The following GRIA2 variants were observed in gnomAD, a reference collection of about 807,000 sequenced individuals.
The protein encoded by GRIA2 is glutamate receptor 2.
Under a neutral mutation model 97.3 loss-of-function variants are expected in GRIA2, and 14 were observed. The ratio of observed to expected loss-of-function variants is 0.14; its 90% CI spans 0.10 to 0.23. The LOEUF (loss-of-function observed/expected upper bound fraction) is 0.23, where lower values mean the gene tolerates loss of function less well. GRIA2 is among the 10% of genes least tolerant of loss of function. GRIA2 has a pLI of 1.00. For synonymous variants in GRIA2, 412 were observed against 387.8 expected (o/e 1.06, Z -0.73); for missense variants, 558 against 1,069.8 (o/e 0.52, Z 6.67).
rs1189221624 is a variant in GRIA2, at chr4:157,365,065, G to A, written c.*1634G>A. 1 of 151,454 alleles carries A rather than the reference G, an allele frequency of 6.6e-6. No individual in the cohort carries two copies. Among genetic ancestry groups the A allele is most frequent in the Admixed American group, 6.6e-5 (1 of 15,176 alleles). The allele number at this position is 151,454 out of a possible 1,614,324, so 9.4% of individuals were successfully genotyped here. On this transcript the variant is annotated 3_prime_UTR_variant, in exon 16 of 16. Transcript: ENST00000264426. ...AGTTATTTTTAATATTTGTATTCTT[G>A]TTATTTCTGGAAGAAAGCCTTTGTG...
intron 2 of GRIA2, among the ~76,000 whole-genome samples, chr4:157,274,775 C>T (rs1472472891): frequency 6.6e-6 from 1 of 151,744 alleles, no homozygotes; most frequent in Non-Finnish European, 1.5e-5. Flanking sequence ...CATTGTTGGA[C>T]ATTTGGGTTG....
intron 2 of GRIA2, among the ~76,000 whole-genome samples, chr4:157,245,488 A>C (rs1443682035): frequency 6.6e-6 from 1 of 151,914 alleles, no homozygotes; most frequent in Non-Finnish European, 1.5e-5. Flanking sequence ...TTCTAAGTGA[A>C]TTAAGACCAG....
rs1482855779 is a variant in GRIA2, at chr4:157,221,824, C to G, written c.229+17C>G. ...CTAATGCTTGTAAGTAATGAATATTCATGCCTTTCGGGTGCTGCACGCGGA... is the reference window on the plus strand; with the variant it reads ...CTAATGCTTGTAAGTAATGAATATTGATGCCTTTCGGGTGCTGCACGCGGA... On this transcript the variant is annotated intron_variant, in intron 2 of 15. Transcript: ENST00000264426. 1 of 1,612,564 alleles carries G rather than the reference C, an allele frequency of 6.2e-7. No individual in the cohort carries two copies. The highest frequency in any genetic ancestry group is 1.7e-5 in the Admixed American group (1 of 60,014).
intron 3 of GRIA2, among the ~76,000 whole-genome samples, chr4:157,309,527 T>C (rs982432359): frequency 1.3e-5 from 2 of 152,008 alleles, no homozygotes; most frequent in Non-Finnish European, 2.9e-5. Context: ...AATTTTTATA[T>C]TTTTAGTAGA....
intron 2 of GRIA2, among the ~76,000 whole-genome samples, chr4:157,235,983 GTC>G (rs1161652125): frequency 6.6e-6 from 1 of 151,922 alleles, no homozygotes; most frequent in Admixed American, 6.6e-5. Flanking sequence ...CCTTGCTAGT[GTC>G]TCTTGTTAAA....
At chr4:157,261,612 A>G (rs2126769019) in intron 2 of GRIA2, among the ~76,000 whole-genome samples, 1 of 152,286 alleles carries the variant, frequency 6.6e-6, no homozygotes, top group East Asian at 1.9e-4. Context: ...CACATAAGCC[A>G]GTTTGCTGAA....
intron 2 of GRIA2, among the ~76,000 whole-genome samples, chr4:157,239,677 G>A (rs1317764587): frequency 3.3e-5 from 5 of 151,664 alleles, no homozygotes; most frequent in Non-Finnish European, 5.9e-5. Context: ...GTATTTATAT[G>A]TAAATACATG....
At chr4:157,250,936 C>T (rs965300674) in intron 2 of GRIA2, among the ~76,000 whole-genome samples, 1 of 152,020 alleles carries the variant, frequency 6.6e-6, no homozygotes, top group African/African-American at 2.4e-5. Flanking sequence ...GCTTGCTTTT[C>T]CTCTTCTTGC....
intron 2 of GRIA2, among the ~76,000 whole-genome samples, chr4:157,231,863 T>TA (rs1183684412): frequency 6.6e-6 from 1 of 152,176 alleles, no homozygotes; most frequent in Admixed American, 6.5e-5. Flanking sequence ...GTTTTAAAAA[T>TA]AAAAACATTT....
intron 3 of GRIA2, among the ~76,000 whole-genome samples, chr4:157,311,654 G>T (rs551425162): frequency 3.3e-5 from 5 of 151,912 alleles, no homozygotes; most frequent in Non-Finnish European, 7.4e-5. Flanking sequence ...AATCAAAAGG[G>T]ACTAATATTG....
chr4:157,258,287 C>A (rs1414623402), intron 2 of GRIA2, among the ~76,000 whole-genome samples: 2 of 152,056 alleles, frequency 1.3e-5, no homozygotes, highest in Non-Finnish European at 2.9e-5. Flanking sequence ...TTACTGAATT[C>A]TTTTTCTCAG....
intron 3 of GRIA2, among the ~76,000 whole-genome samples, chr4:157,309,922 G>T (rs1054637395): frequency 7.9e-5 from 12 of 152,144 alleles, no homozygotes; most frequent in Non-Finnish European, 1.5e-4. Flanking sequence ...GAATAGCACA[G>T]AGACCCCCAT....
intron 2 of GRIA2, among the ~76,000 whole-genome samples, chr4:157,238,359 AG>A (rs1209620165): frequency 6.6e-6 from 1 of 152,144 alleles, no homozygotes; most frequent in Non-Finnish European, 1.5e-5. Flanking sequence ...TAGGGGCAAA[AG>A]ATGAGCAAAG....
intron 2 of GRIA2, among the ~76,000 whole-genome samples, chr4:157,284,668 A>C (rs1287852860): frequency 6.6e-6 from 1 of 151,630 alleles, no homozygotes; most frequent in African/African-American, 2.4e-5. Flanking sequence ...CATATGGTTT[A>C]CTCTAAAAAG....
intron 2 of GRIA2, among the ~76,000 whole-genome samples, chr4:157,258,787 T>C (rs1731394888): frequency 6.6e-6 from 1 of 152,050 alleles, no homozygotes; most frequent in African/African-American, 2.4e-5. Flanking sequence ...TTTCTACTCT[T>C]TCCCTTTATT....
chr4:157,286,423 T>C (rs1338852781), intron 2 of GRIA2, among the ~76,000 whole-genome samples: 3 of 151,488 alleles, frequency 2.0e-5, no homozygotes, highest in Non-Finnish European at 1.5e-5. Flanking sequence ...TAACAAATTA[T>C]GACACTTACA....
intron 2 of GRIA2, among the ~76,000 whole-genome samples, chr4:157,266,641 G>A (rs983909303): frequency 6.6e-6 from 1 of 152,082 alleles, no homozygotes; most frequent in Non-Finnish European, 1.5e-5. Flanking sequence ...AGCAAATGGG[G>A]ATCAGGTGTG....
intron 12 of GRIA2, among the ~76,000 whole-genome samples, chr4:157,357,438 G>T (rs1736432493): frequency 1.3e-5 from 2 of 152,076 alleles, no homozygotes; most frequent in South Asian, 4.1e-4. Flanking sequence ...TGAGCCAAAT[G>T]ATTTAGCTGA....
At chr4:157,308,279 T>A (rs187408394) in intron 3 of GRIA2, among the ~76,000 whole-genome samples, 28 of 152,274 alleles carry the variant, frequency 1.8e-4, no homozygotes, top group African/African-American at 6.7e-4. Flanking sequence ...AGGAAGATTG[T>A]CATTTTATGA....
Sources: allele counts gnomAD v4.1 joint callset (sites outside exome capture counted in the v4.1 genomes callset), GRCh38; gene constraint gnomAD v4.1.1; transcripts MANE v1.5; gene names NCBI Gene and HGNC (gene_info 2026-07-23, HGNC 2026-07-21).